The following LRRC37A2 variants were observed in gnomAD, a reference collection of about 807,000 sequenced individuals.
The protein encoded by LRRC37A2 is leucine rich repeat containing 37 member A2.
LRRC37A2 carries 9 observed loss-of-function variants against 68.8 expected under a neutral mutation model. The ratio of observed to expected loss-of-function variants is 0.13; its 90% CI spans 0.08 to 0.23. LRRC37A2 has a LOEUF of 0.23. Among genes scored for constraint, LRRC37A2 ranks in the 10% least tolerant of loss-of-function variants. The pLI is 1.00. For synonymous variants in LRRC37A2, 63 were observed against 367.6 expected, an observed-to-expected ratio of 0.17 and a Z score of 9.48; for missense variants, 168 against 950.4, an observed-to-expected ratio of 0.18 and a Z score of 10.82.
chr17:46,849,743 T>C, the LRRC37A2 span, among the ~76,000 whole-genome samples: 1 of 152,024 alleles, frequency 6.6e-6, no homozygotes, highest in Non-Finnish European at 1.5e-5. Flanking sequence ...CAGACCACCA[T>C]CAACCCTCCT....
chr17:46,931,552 T>G, the LRRC37A2 span: 1 of 370,868 alleles, frequency 2.7e-6, no homozygotes, highest in South Asian at 3.3e-5. Flanking sequence ...TGGGTTCTTC[T>G]TGGGTTGAAA....
chr17:46,966,580 C>A, the LRRC37A2 span: 10 of 693,182 alleles, frequency 1.4e-5, no homozygotes, highest in Non-Finnish European at 2.4e-5. Flanking sequence ...AACTCCTGAG[C>A]TCAAGAGATC....
At chr17:46,626,009 T>C in the LRRC37A2 span, among the ~76,000 whole-genome samples, 4 of 149,404 alleles carry the variant, frequency 2.7e-5, no homozygotes, top group Non-Finnish European at 5.9e-5. Flanking sequence ...TTTTTTTTTA[T>C]TTACAGGTAA....
chr17:47,018,897 G>A, the LRRC37A2 span: 4 of 1,517,616 alleles, frequency 2.6e-6, no homozygotes, highest in South Asian at 4.5e-5. Context: ...AACCATGAAG[G>A]AGACCCCAAC....
At chr17:47,032,885 G>A in the LRRC37A2 span, among the ~76,000 whole-genome samples, 1 of 152,110 alleles carries the variant, frequency 6.6e-6, no homozygotes, top group African/African-American at 2.4e-5. Context: ...TCATTGCAAG[G>A]GAGTCTTCTT....
the LRRC37A2 span, among the ~76,000 whole-genome samples, chr17:46,841,480 A>C: frequency 6.6e-6 from 1 of 152,238 alleles, no homozygotes; most frequent in Non-Finnish European, 1.5e-5. Flanking sequence ...ATCCGAAAGA[A>C]AGAGGCCCGT....
chr17:46,856,121 T>C, the LRRC37A2 span, among the ~76,000 whole-genome samples: 1 of 152,228 alleles, frequency 6.6e-6, no homozygotes, highest in Non-Finnish European at 1.5e-5. Context: ...TGAGTTTCTT[T>C]CCTCTCTAGG....
At chr17:46,951,985 G>C in the LRRC37A2 span, among the ~76,000 whole-genome samples, 8 of 152,224 alleles carry the variant, frequency 5.3e-5, no homozygotes, top group Admixed American at 5.2e-4. Context: ...CATCCTCTCA[G>C]AGTGGCTATA....
the LRRC37A2 span, among the ~76,000 whole-genome samples, chr17:46,903,596 G>A: frequency 1.3e-5 from 2 of 152,116 alleles, no homozygotes; most frequent in East Asian, 3.8e-4. Flanking sequence ...AAAACAATTG[G>A]AAGGTAAGAA....
intron 6 of LRRC37A2, among the ~76,000 whole-genome samples, chr17:46,533,533 A>T (rs2054058807): frequency 7.7e-6 from 1 of 129,462 alleles, no homozygotes. Flanking sequence ...ACAGAGTCTC[A>T]CTCTGTTGCC....
the LRRC37A2 span, among the ~76,000 whole-genome samples, chr17:46,947,463 G>C: frequency 6.6e-6 from 1 of 152,216 alleles, no homozygotes; most frequent in Non-Finnish European, 1.5e-5. Context: ...CGTTCATGCT[G>C]CTGAGATACT....
the LRRC37A2 span, among the ~76,000 whole-genome samples, chr17:46,855,232 G>C: frequency 6.6e-6 from 1 of 152,338 alleles, no homozygotes; most frequent in South Asian, 2.1e-4. Flanking sequence ...AAGGGGGTGA[G>C]GGTGGAGGGA....
the LRRC37A2 span, among the ~76,000 whole-genome samples, chr17:46,804,956 T>G: frequency 1.1e-5 from 1 of 92,732 alleles, no homozygotes; most frequent in Non-Finnish European, 2.0e-5. Context: ...CCAACCCCCT[T>G]GGGTCGCCTT....
At chr17:46,812,218 C>A in the LRRC37A2 span, among the ~76,000 whole-genome samples, 1 of 152,220 alleles carries the variant, frequency 6.6e-6, no homozygotes, top group South Asian at 2.1e-4. Context: ...TCTCTGGCAG[C>A]GGGATAAAGA....
the LRRC37A2 span, among the ~76,000 whole-genome samples, chr17:46,903,211 G>A: frequency 1.3e-5 from 2 of 152,090 alleles, no homozygotes; most frequent in African/African-American, 2.4e-5. Flanking sequence ...AACCCGGGAG[G>A]TGGAGGTTGC....
the LRRC37A2 span, among the ~76,000 whole-genome samples, chr17:46,638,750 C>T: frequency 3.1e-5 from 4 of 128,228 alleles, no homozygotes; most frequent in Non-Finnish European, 6.2e-5. Context: ...TCAAGTGATC[C>T]TCCCACCTCG....
At chr17:46,814,731 A>G in the LRRC37A2 span, among the ~76,000 whole-genome samples, 1 of 152,210 alleles carries the variant, frequency 6.6e-6, no homozygotes, top group Admixed American at 6.5e-5. Flanking sequence ...CGCAGTCTCC[A>G]GGTGCCTCCC....
At chr17:46,815,947 C>A in the LRRC37A2 span, among the ~76,000 whole-genome samples, 1 of 152,132 alleles carries the variant, frequency 6.6e-6, no homozygotes, top group African/African-American at 2.4e-5. Flanking sequence ...CACCTGGGGA[C>A]AGGATCACAG....
chr17:47,038,525 G>A, the LRRC37A2 span, among the ~76,000 whole-genome samples: 1 of 150,850 alleles, frequency 6.6e-6, no homozygotes, highest in African/African-American at 2.4e-5. Context: ...TTATAACGTT[G>A]TAGTTCAGAT....
Sources: gnomAD v4.1 joint callset for allele counts (sites outside exome capture counted in the v4.1 genomes callset) on GRCh38, gnomAD v4.1.1 for gene constraint, MANE v1.5 for transcripts, NCBI Gene and HGNC (gene_info 2026-07-23, HGNC 2026-07-21) for gene names.